Variants in SOX5 observed in about 807,000 individuals in gnomAD.
The protein encoded by SOX5 is transcription factor SOX-5.
In SOX5, 9 loss-of-function variants were observed where a neutral mutation model predicts 92.0. The ratio of observed to expected loss-of-function variants is 0.10; its 90% CI spans 0.06 to 0.17. The LOEUF is 0.17. SOX5 is among the 10% of genes least tolerant of loss of function. SOX5 has a pLI of 1.00. For synonymous variants in SOX5, 344 were observed against 336.3 expected, an observed-to-expected ratio of 1.02 and a Z score of -0.25; for missense variants, 642 against 944.5, an observed-to-expected ratio of 0.68 and a Z score of 4.20.
intron 4 of SOX5, among the ~76,000 whole-genome samples, chr12:23,992,464 T>C (rs1950655418): frequency 6.6e-6 from 1 of 152,148 alleles, no homozygotes. Flanking sequence ...AAAGTAGCCA[T>C]TAATAACTCT....
At chr12:24,470,394 G>A (rs914710227) in intron 1 of SOX5, among the ~76,000 whole-genome samples, 1 of 152,164 alleles carries the variant, frequency 6.6e-6, no homozygotes, top group Admixed American at 6.5e-5. Flanking sequence ...AGTAAATTTA[G>A]GCTAAATACC....
At chr12:24,095,420 CTTATTTAT>C (rs146858914) in intron 4 of SOX5, among the ~76,000 whole-genome samples, 26,850 of 140,140 alleles carry the variant, frequency 0.19, 2,668 homozygotes, top group Middle Eastern at 0.34. Flanking sequence ...TGCCCTCTCC[CTTATTTAT>C]TTATTTATTT....
chr12:24,452,053 T>C (rs942537317), intron 1 of SOX5, among the ~76,000 whole-genome samples: 4 of 152,200 alleles, frequency 2.6e-5, no homozygotes, highest in Admixed American at 2.0e-4. Context: ...GGCTATCACA[T>C]GGTCTTGAAG....
At chr12:24,143,030 T>A (rs1372124001) in intron 4 of SOX5, among the ~76,000 whole-genome samples, 1 of 152,128 alleles carries the variant, frequency 6.6e-6, no homozygotes, top group East Asian at 1.9e-4. Context: ...GAATAAAGCC[T>A]ATTCTGACCA....
intron 2 of SOX5, among the ~76,000 whole-genome samples, chr12:24,355,732 G>T (rs747013181): frequency 6.6e-5 from 10 of 152,192 alleles, no homozygotes; most frequent in Non-Finnish European, 1.5e-4. Flanking sequence ...TGAGTTCAAA[G>T]ATTTTAAATT....
At chr12:24,392,690 C>T (rs374565395) in intron 1 of SOX5, among the ~76,000 whole-genome samples, 1 of 152,112 alleles carries the variant, frequency 6.6e-6, no homozygotes, top group African/African-American at 2.4e-5. Flanking sequence ...ACCCCTAGAA[C>T]CCAAACGCTT....
chr12:23,860,952 T>TAAAAAAAAAAAAAAA (rs71059935), intron 2 of SOX5, among the ~76,000 whole-genome samples: 165 of 45,418 alleles, frequency 3.6e-3, no homozygotes, highest in East Asian at 5.1e-3. Context: ...GTATATTTTG[T>TAAAAAAAAAAAAAAA]AAAAAAAAAA....
At chr12:23,860,957 A>AAAAAAAAAAAAC (rs2096748852) in intron 2 of SOX5, among the ~76,000 whole-genome samples, 2 of 51,164 alleles carry the variant, frequency 3.9e-5, no homozygotes, top group East Asian at 8.0e-4. Flanking sequence ...TTTTGTAAAA[A>AAAAAAAAAAAAC]AAAAAAAAAA....
At chr12:23,670,469 A>G (rs2084585754) in intron 6 of SOX5, among the ~76,000 whole-genome samples, 1 of 152,190 alleles carries the variant, frequency 6.6e-6, no homozygotes, top group South Asian at 2.1e-4. Context: ...AGGGGCAAAT[A>G]GAAATGGAGA....
chr12:23,789,623 C>A (rs1315338478), intron 3 of SOX5, among the ~76,000 whole-genome samples: 2 of 152,170 alleles, frequency 1.3e-5, no homozygotes, highest in African/African-American at 4.8e-5. Flanking sequence ...CATTAAAATT[C>A]TCAGGATAAT....
chr12:23,725,311 G>A (rs1211734310), intron 6 of SOX5, among the ~76,000 whole-genome samples: 2 of 152,164 alleles, frequency 1.3e-5, no homozygotes, highest in African/African-American at 4.8e-5. Flanking sequence ...GTTCCACATG[G>A]CTGGGGAGGT....
At chr12:24,186,752 A>C (rs557063124) in intron 4 of SOX5, among the ~76,000 whole-genome samples, 30 of 152,306 alleles carry the variant, frequency 2.0e-4, no homozygotes, top group African/African-American at 6.5e-4. Flanking sequence ...AATAAACATT[A>C]TATCTTACAC....
chr12:24,004,686 G>T (rs188866130), intron 4 of SOX5, among the ~76,000 whole-genome samples: 54 of 152,172 alleles, frequency 3.5e-4, no homozygotes, highest in African/African-American at 1.3e-3. Context: ...GTCAAATCAC[G>T]CAGCCACATT....
intron 4 of SOX5, among the ~76,000 whole-genome samples, chr12:23,967,090 A>T (rs1173957158): frequency 6.6e-6 from 1 of 152,192 alleles, no homozygotes; most frequent in Non-Finnish European, 1.5e-5. Flanking sequence ...CAAAAACATT[A>T]AGCATCTGAA....
At chr12:23,747,972 A>AT (rs1298961992) in intron 4 of SOX5, among the ~76,000 whole-genome samples, 1 of 151,620 alleles carries the variant, frequency 6.6e-6, no homozygotes, top group African/African-American at 2.4e-5. Context: ...AAAAAAAAAA[A>AT]AAAACGAATA....
rs530237807 is a variant in SOX5 at position 24,284,177 on chromosome 12, T to C, written c.-173-6865A>G. On this transcript the variant is annotated intron_variant, in intron 2 of 4. Coordinates refer to the SOX5 transcript ENST00000446891. Reference sequence around the variant, plus strand: ...AGTCTTAGAGAACAACAGGAAATTCTAGTGAAGATTTTGTGTGAACAGCAG... The same window carrying C: ...AGTCTTAGAGAACAACAGGAAATTCCAGTGAAGATTTTGTGTGAACAGCAG... 4.4e-4 allele frequency among the ~76,000 whole-genome samples: 67 copies of C among 152,334 alleles called. 1 individual carries two copies. The highest frequency in any genetic ancestry group is 3.4e-3 in the Middle Eastern group (1 of 294).
chr12:23,533,449 G>A lies in SOX5; in HGVS notation c.*770C>T. ...CACTGTCCTAACTTAAGAAGGAAAAGGAAAAAGTAAAGAGAAAAAATGAAC... is the reference window on the plus strand; with the variant it reads ...CACTGTCCTAACTTAAGAAGGAAAAAGAAAAAGTAAAGAGAAAAAATGAAC... On this transcript the variant is annotated 3_prime_UTR_variant, in exon 15 of 15. Transcript: ENST00000451604. 5.3e-6 allele frequency: 1 copy of A among 187,772 alleles called. No individual in the cohort carries two copies. 11.6% of individuals were successfully genotyped at this position (187,772 alleles called of 1,614,324 possible). A position where few individuals can be genotyped will look rare whatever the true frequency, so the allele number is the denominator to read the frequency against.
chr12:23,745,399 AGTCATATCAT>A, intron 4 of SOX5, among the ~76,000 whole-genome samples: 1 of 152,288 alleles, frequency 6.6e-6, no homozygotes, highest in Non-Finnish European at 1.5e-5. Context: ...TAGATAACAA[AGTCATATCAT>A]GTCAGAGTCT....
At chr12:24,256,706 T>C (rs904162749) in intron 3 of SOX5, among the ~76,000 whole-genome samples, 2 of 151,994 alleles carry the variant, frequency 1.3e-5, no homozygotes, top group Non-Finnish European at 2.9e-5. Flanking sequence ...GTTGCAGAAT[T>C]ATAGTTTCTC....
Sources: allele counts gnomAD v4.1 joint callset (sites outside exome capture counted in the v4.1 genomes callset), GRCh38; gene constraint gnomAD v4.1.1; transcripts MANE v1.5; gene names NCBI Gene and HGNC (gene_info 2026-07-23, HGNC 2026-07-21).